The following AKAP9 variants were observed in gnomAD, a reference collection of about 807,000 sequenced individuals.
AKAP9 encodes A-kinase anchor protein 9.
Under a neutral mutation model 488.5 loss-of-function variants are expected in AKAP9, and 311 were observed. The ratio of observed to expected loss-of-function variants is 0.64; its 90% confidence interval spans 0.58 to 0.70. AKAP9 has a LOEUF of 0.70. AKAP9 is among the 30% of genes least tolerant of loss of function. The probability of loss-of-function intolerance (pLI) is 0.00; values close to 1 mark genes in which losing one functional copy is unlikely to be tolerated. For missense variants in AKAP9, 4,215 were observed against 4,374.5 expected, an observed-to-expected ratio of 0.96 and a Z score of 1.03; for synonymous variants, 1,462 against 1,483.5, an observed-to-expected ratio of 0.99 and a Z score of 0.33.
At position 92,108,511 on chromosome 7, in the gene AKAP9, CTGA is replaced by C. The variant is rs759588138; in HGVS notation, c.11566_11568del (p.Asp3856del). On this transcript the variant is annotated inframe_deletion, in exon 49 of 50. Coordinates refer to ENST00000356239, the MANE Select transcript of AKAP9 (RefSeq NM_005751.5). ...TCCTTTAGGTACCCAGGCACTCCAG[CTGA>C]TTTCAATCCTGGTTCTTTAGCATGT... The C allele has an allele frequency of 6.2e-7, 1 of 1,614,166 alleles. No homozygotes were observed. Among genetic ancestry groups the C allele is most frequent in the Non-Finnish European group, 8.5e-7 (1 of 1,180,008 alleles).
At position 92,032,019 on chromosome 7, in the gene AKAP9, G is replaced by A. The variant is rs1804343802; in HGVS notation, c.4338+415G>A. 2.0e-5 allele frequency among the ~76,000 whole-genome samples: 3 copies of A among 152,214 alleles called. No individual in the cohort carries two copies. In the South Asian group the frequency reaches 6.2e-4, roughly 31 times the overall value. ...GATACTAAGGGAGGATTATCACTGA[G>A]TATTAATTAGCTCCTGGCTAAGTGA... On this transcript the variant is annotated intron_variant, in intron 16 of 49. Coordinates refer to ENST00000356239, the MANE Select transcript of AKAP9 (RefSeq NM_005751.5).
intron 7 of AKAP9, 102 bp from the exon 8 acceptor site, chr7:92,000,746 T>C: frequency 1.5e-6 from 1 of 663,030 alleles, no homozygotes; most frequent in Non-Finnish European, 2.4e-6. Context: ...TAGAATTTTT[T>C]AAAAGAGAAA....
At chr7:92,042,266 A>T in intron 19 of AKAP9, 80 bp downstream of exon 19, 1 of 1,582,434 alleles carries the variant, frequency 6.3e-7, no homozygotes, top group Admixed American at 1.7e-5. Flanking sequence ...TTGGTATGAG[A>T]TGTATTCTTT....
intron 1 of AKAP9, among the ~76,000 whole-genome samples, chr7:91,942,058 T>A (rs1390427410): frequency 6.6e-6 from 1 of 152,226 alleles, no homozygotes; most frequent in Admixed American, 6.5e-5. Context: ...TTTGAGCATA[T>A]ATTTTGTCTG....
chr7:92,105,706 C>T lies in AKAP9; in HGVS notation c.11359C>T (p.Arg3787Ter), dbSNP rs183257184. The T allele has an allele frequency of 6.2e-6, 10 of 1,614,130 alleles. No individual in the cohort carries two copies. Among genetic ancestry groups the T allele is most frequent in the Middle Eastern group, 1.6e-4 (1 of 6,062 alleles). ...GAAATTTTTGGTTCGACGGTGGCAT[C>T]GAGTCACAGGTTCTGTTTCCATCAA... The part of the protein sequence containing the change: ...RMKFLVRRWH[R>*]VTGSVSININ... The change falls in exon 47 of 50, where the codon CGA (arginine) becomes TGA (stop). Residue 3787 changes from arginine (R) to a stop codon, truncating the protein, a stop_gained. Transcript: ENST00000356239. LOFTEE classifies it high-confidence loss of function.
At chr7:91,972,901 T>C (rs918939644) in intron 1 of AKAP9, among the ~76,000 whole-genome samples, 2 of 152,160 alleles carry the variant, frequency 1.3e-5, no homozygotes, top group Admixed American at 6.5e-5. Context: ...ATTTAAGTTA[T>C]TTCCAGTTTT....
intron 38 of AKAP9, among the ~76,000 whole-genome samples, chr7:92,091,585 C>CAAAAAAAAA (rs796606265): frequency 2.3e-4 from 5 of 22,080 alleles, no homozygotes; most frequent in African/African-American, 3.7e-4. Context: ...GACTCTGTCT[C>CAAAAAAAAA]AAAAAAAAAA....
rs994788405 is a variant in AKAP9 at position 92,001,377 on chromosome 7, A to C, written c.1460A>C (p.Gln487Pro). Reference sequence around the variant, plus strand: ...TCAAATATTACAGTTAATGAAGATCAGATAAAGTTAATGAATGTGGCAATA... The same window carrying C: ...TCAAATATTACAGTTAATGAAGATCCGATAAAGTTAATGAATGTGGCAATA... ...SYSNITVNEDQIKLMNVAINE... is the reference protein window; with the variant it reads ...SYSNITVNEDPIKLMNVAINE... The change falls in exon 8 of 50, where the codon CAG (glutamine) becomes CCG (proline). Residue 487 changes from glutamine (Q) to proline (P), a missense_variant. This residue lies in a region of AKAP9 where 2,361 missense variants were observed against 2,430.0 expected (regional missense o/e 0.97). Coordinates refer to ENST00000356239, the MANE Select transcript of AKAP9 (RefSeq NM_005751.5). 1 of 1,613,928 alleles carries C rather than the reference A, an allele frequency of 6.2e-7. No individual in the cohort carries two copies. Among genetic ancestry groups the C allele is most frequent in the Non-Finnish European group, 8.5e-7 (1 of 1,179,842 alleles).
chr7:92,039,817 A>C (rs1013383629), intron 17 of AKAP9, among the ~76,000 whole-genome samples: 1 of 152,032 alleles, frequency 6.6e-6, no homozygotes, highest in Admixed American at 6.6e-5. Flanking sequence ...TCTACTAAAA[A>C]TACAAAAATT....
intron 40 of AKAP9, among the ~76,000 whole-genome samples, chr7:92,096,228 T>G (rs1816539576): frequency 6.6e-6 from 1 of 152,250 alleles, no homozygotes; most frequent in Non-Finnish European, 1.5e-5. Context: ...CACTAACTAC[T>G]GAACATTTAA....
intron 3 of AKAP9, among the ~76,000 whole-genome samples, chr7:91,986,850 G>C (rs949354234): frequency 6.6e-6 from 1 of 151,738 alleles, no homozygotes; most frequent in Non-Finnish European, 1.5e-5. Context: ...ATAGCTCATG[G>C]TGAGAAATAT....
intron 14 of AKAP9, among the ~76,000 whole-genome samples, chr7:92,024,876 T>C (rs1170747184): frequency 6.6e-6 from 1 of 152,122 alleles, no homozygotes; most frequent in African/African-American, 2.4e-5. Context: ...GAAACCTACA[T>C]ATGGGCTTTG....
At chr7:92,108,856 C>A in intron 49 of AKAP9, 1 of 598,802 alleles carries the variant, frequency 1.7e-6, no homozygotes, top group Middle Eastern at 3.2e-4. Context: ...CCCACTCCTC[C>A]CAAAAATGAT....
At chr7:92,076,383 C>T (rs1406233204) in intron 28 of AKAP9, among the ~76,000 whole-genome samples, 1 of 152,180 alleles carries the variant, frequency 6.6e-6, no homozygotes, top group African/African-American at 2.4e-5. Flanking sequence ...GCTTAACAAA[C>T]CACATGGCAG....
At position 92,099,874 on chromosome 7, in the gene AKAP9, G is replaced by A. The variant is rs1817232869; in HGVS notation, c.10896+5G>A. The A allele has an allele frequency of 1.9e-6, 3 of 1,613,604 alleles. No homozygotes were observed. The highest frequency in any genetic ancestry group is 2.7e-5 in the African/African-American group (2 of 74,898). ...ACAGGAGCTGGTAGAGATAATGTAT[G>A]TCCATTTTTAGCATCTCCATATATG... On this transcript the variant is annotated splice_donor_5th_base_variant and intron_variant, in intron 44 of 49. Coordinates refer to ENST00000356239, the MANE Select transcript of AKAP9 (RefSeq NM_005751.5).
intron 7 of AKAP9, among the ~76,000 whole-genome samples, chr7:91,998,418 C>CT (rs60778133): frequency 0.024 from 1,277 of 53,950 alleles, 412 homozygotes; most frequent in Non-Finnish European, 0.039. Context: ...CCACAGGGCT[C>CT]TTTTTTTTTT....
intron 46 of AKAP9, among the ~76,000 whole-genome samples, chr7:92,103,860 G>T (rs1363330956): frequency 6.6e-6 from 1 of 152,162 alleles, no homozygotes; most frequent in Non-Finnish European, 1.5e-5. Context: ...AGTTATGGAA[G>T]GTCCTTTCCT....
chr7:92,007,657 A>G (rs1800097934), intron 8 of AKAP9, among the ~76,000 whole-genome samples: 2 of 152,370 alleles, frequency 1.3e-5, no homozygotes, highest in South Asian at 4.1e-4. Context: ...TGTAATCCTT[A>G]TGTAGTTCCA....
intron 20 of AKAP9, chr7:92,043,143 ATAT>A (rs1806395182): frequency 5.5e-6 from 1 of 182,202 alleles, no homozygotes; most frequent in African/African-American, 2.4e-5. Flanking sequence ...TTTAAGCACA[ATAT>A]TTTAAACTTT....
Sources: allele counts gnomAD v4.1 joint callset (sites outside exome capture counted in the v4.1 genomes callset), GRCh38; gene constraint gnomAD v4.1.1; regional missense constraint gnomAD v4.1.1; transcripts MANE v1.5; gene names NCBI Gene and HGNC (gene_info 2026-07-23, HGNC 2026-07-21).